Variants in PDE8B observed in about 807,000 individuals in gnomAD.
PDE8B encodes the protein phosphodiesterase 8B.
In PDE8B, 26 loss-of-function variants were observed where a neutral mutation model predicts 101.3. The observed-to-expected ratio is 0.26, with a 90% CI of 0.19 to 0.36. PDE8B has a LOEUF of 0.36. Among genes scored for constraint, PDE8B ranks in the 10% least tolerant of loss-of-function variants. The probability of loss-of-function intolerance (pLI) is 1.00; values close to 1 mark genes in which losing one functional copy is unlikely to be tolerated. For missense variants in PDE8B, 810 were observed against 1,163.1 expected (o/e 0.70, Z 4.42); for synonymous variants, 424 against 429.3 (o/e 0.99, Z 0.15).
the PDE8B span, chr5:77,139,766 T>C: frequency 5.3e-5 from 8 of 152,272 alleles, 1 homozygote; most frequent in Admixed American, 5.2e-4. Context: ...ATAAGTTTCA[T>C]TTATAAAAGA....
At chr5:77,367,830 G>A (rs764286539) in intron 10 of PDE8B, among the ~76,000 whole-genome samples, 55 of 152,002 alleles carry the variant, frequency 3.6e-4, no homozygotes, top group Non-Finnish European at 6.6e-4. Flanking sequence ...CGCCTAGCTG[G>A]GAAGTTCTAC....
At chr5:77,190,245 A>C in the PDE8B span, among the ~76,000 whole-genome samples, 28 of 152,162 alleles carry the variant, frequency 1.8e-4, no homozygotes, top group African/African-American at 6.3e-4. Flanking sequence ...CCTTCCAGGG[A>C]GTTCTAAGGC....
chr5:77,242,997 T>G (rs1050104647), intron 1 of PDE8B, among the ~76,000 whole-genome samples: 1 of 152,204 alleles, frequency 6.6e-6, no homozygotes, highest in Non-Finnish European at 1.5e-5. Flanking sequence ...TTTAACATTC[T>G]AAGAAATACC....
chr5:77,224,467 C>G (rs745626763), intron 1 of PDE8B, among the ~76,000 whole-genome samples: 1 of 152,170 alleles, frequency 6.6e-6, no homozygotes, highest in African/African-American at 2.4e-5. Flanking sequence ...ATTTATACCT[C>G]CTACTTTCCC....
chr5:77,422,796 A>AGGCAGGATAAATAAG (rs1161408744), intron 20 of PDE8B, among the ~76,000 whole-genome samples: 1 of 152,176 alleles, frequency 6.6e-6, no homozygotes, highest in Non-Finnish European at 1.5e-5. Flanking sequence ...TGTACTGTGG[A>AGGCAGGATAAATAAG]GGCAGGATAA....
intron 21 of PDE8B, 192 bp from the exon 22 acceptor site, chr5:77,426,253 C>G: frequency 1.6e-6 from 1 of 629,212 alleles, no homozygotes. Context: ...GATAATGTCA[C>G]TGATAAGCAG....
chr5:77,220,799 G>T (rs1245015799), intron 1 of PDE8B, among the ~76,000 whole-genome samples: 1 of 152,196 alleles, frequency 6.6e-6, no homozygotes, highest in Non-Finnish European at 1.5e-5. Context: ...AATTCGTGAA[G>T]TTCCTTTAGG....
intron 10 of PDE8B, among the ~76,000 whole-genome samples, chr5:77,365,744 C>T: frequency 6.6e-6 from 1 of 152,172 alleles, no homozygotes; most frequent in East Asian, 1.9e-4. Context: ...AGAAGTCTGA[C>T]CTGGGCAAAG....
intron 10 of PDE8B, among the ~76,000 whole-genome samples, chr5:77,371,653 T>C (rs1292067071): frequency 6.6e-6 from 1 of 152,220 alleles, no homozygotes; most frequent in Non-Finnish European, 1.5e-5. Context: ...TAGGATTACA[T>C]TGATGCTGTA....
At position 77,413,325 on chromosome 5, in the gene PDE8B, C is replaced by T; in HGVS notation, c.1911+16C>T. Reference sequence around the variant, plus strand: ...AAGAGTAAAGGTAGGATTTTGATATCATGACCTAGTTACCTGCCTGGATTG... The same window carrying T: ...AAGAGTAAAGGTAGGATTTTGATATTATGACCTAGTTACCTGCCTGGATTG... On this transcript the variant is annotated intron_variant, in intron 17 of 21. Transcript: ENST00000264917. The T allele has an allele frequency of 3.1e-6, 5 of 1,603,484 alleles. No homozygotes were observed. Among genetic ancestry groups the T allele is most frequent in the Non-Finnish European group, 3.4e-6 (4 of 1,170,354 alleles).
Position 77,408,875 on chromosome 5 carries a change from C to T in PDE8B, c.1366-18C>T. 2.5e-6 allele frequency: 4 copies of T among 1,604,530 alleles called. No individual in the cohort carries two copies. The highest frequency in any genetic ancestry group is 3.4e-6 in the Non-Finnish European group (4 of 1,171,246). Reference sequence around the variant, plus strand: ...GAACCCTATTATCCTCAGATGTATTCTTTCTTCACTCCGTTAGGTTATAAA... The same window carrying T: ...GAACCCTATTATCCTCAGATGTATTTTTTCTTCACTCCGTTAGGTTATAAA... On this transcript the variant is annotated intron_variant, in intron 13 of 21. Transcript: ENST00000264917.
At chr5:77,126,078 A>G in the PDE8B span, among the ~76,000 whole-genome samples, 6 of 152,122 alleles carry the variant, frequency 3.9e-5, no homozygotes, top group Non-Finnish European at 8.8e-5. Flanking sequence ...CGAGGTCAGG[A>G]GATCGAGACC....
rs532765404 is a variant in PDE8B, at chr5:77,273,947, C to T, written c.340-38047C>T. Among the ~76,000 whole-genome samples, 15 of 151,958 alleles carry T rather than the reference C, an allele frequency of 9.9e-5. No individual in the cohort carries two copies. The South Asian group carries it at 2.5e-3, about 25-fold the overall frequency. On this transcript the variant is annotated intron_variant, in intron 1 of 21. Transcript: ENST00000264917. ...AAGCAATTCTCCTGCCTCAGCCTCC[C>T]GAGTAGCTAGGATTACAGACATGCG... is the stretch of plus-strand genomic sequence containing the variant.
upstream of PDE8B, among the ~76,000 whole-genome samples, chr5:77,209,712 G>C (rs1452774522): frequency 6.6e-6 from 1 of 152,218 alleles, no homozygotes; most frequent in Non-Finnish European, 1.5e-5. Flanking sequence ...CCAGCCCAGA[G>C]TGTGAGGAAC....
At chr5:77,291,417 A>C in intron 1 of PDE8B, 1 of 1,611,608 alleles carries the variant, frequency 6.2e-7, no homozygotes, top group African/African-American at 1.3e-5. Context: ...TGTAGAACCG[A>C]CAATTGTGAC....
the PDE8B span, among the ~76,000 whole-genome samples, chr5:77,168,744 C>T: frequency 6.6e-6 from 1 of 152,230 alleles, no homozygotes; most frequent in African/African-American, 2.4e-5. Flanking sequence ...CAGCCTCCCT[C>T]CATTACTCCC....
the PDE8B span, among the ~76,000 whole-genome samples, chr5:77,103,168 G>C: frequency 6.6e-6 from 1 of 152,192 alleles, no homozygotes; most frequent in African/African-American, 2.4e-5. Flanking sequence ...TTGATCTTAA[G>C]GCTTTCCAAG....
chr5:77,101,352 G>C, the PDE8B span, among the ~76,000 whole-genome samples: 1 of 152,132 alleles, frequency 6.6e-6, no homozygotes, highest in African/African-American at 2.4e-5. Flanking sequence ...GGCACAAGCA[G>C]ATCTAGGGTA....
intron 2 of PDE8B, among the ~76,000 whole-genome samples, chr5:77,320,081 AC>A (rs1448340448): frequency 6.6e-6 from 1 of 152,220 alleles, no homozygotes; most frequent in African/African-American, 2.4e-5. Context: ...TTTAAAGGTC[AC>A]AAAACAATCA....
Sources: allele counts gnomAD v4.1 joint callset (sites outside exome capture counted in the v4.1 genomes callset), GRCh38; gene constraint gnomAD v4.1.1; transcripts MANE v1.5; gene names NCBI Gene and HGNC (gene_info 2026-07-23, HGNC 2026-07-21).